The following CROCC variants were observed in gnomAD, a reference collection of about 807,000 sequenced individuals.
CROCC encodes ciliary rootlet coiled-coil, rootletin.
Under a neutral mutation model 245.2 loss-of-function variants are expected in CROCC, and 180 were observed. That is an observed-to-expected ratio of 0.73 (90% CI 0.65 to 0.83). CROCC has a LOEUF of 0.83. CROCC is among the 40% of genes least tolerant of loss of function. The pLI is 0.00. For missense variants in CROCC, 2,688 were observed against 2,779.4 expected (o/e 0.97, Z 0.74); for synonymous variants, 1,205 against 1,241.6 (o/e 0.97, Z 0.62).
Position 16,970,754 on chromosome 1 carries a change from T to G in CROCC, c.5771T>G (p.Ile1924Ser). ...ELELAEAQRQIQQLEAQVVVL... is the reference protein window; with the variant it reads ...ELELAEAQRQSQQLEAQVVVL... ...GAGCTGGCAGAGGCGCAGAGGCAGA[T>G]CCAGCAGCTGGAGGTCTGACCCCAC... Residue 1924 changes from isoleucine to serine, a missense_variant, in exon 35 of 37, where the codon ATC (isoleucine) becomes AGC (serine). Ile to Ser is a moderately radical substitution (Grantham distance 142). Coordinates refer to ENST00000375541, the MANE Select transcript of CROCC (RefSeq NM_014675.5). 1.3e-6 allele frequency: 2 copies of G among 1,591,718 alleles called. No individual in the cohort carries two copies. Among genetic ancestry groups the G allele is most frequent in the Non-Finnish European group, 1.7e-6 (2 of 1,171,250 alleles).
intron 25 of CROCC, among the ~76,000 whole-genome samples, chr1:16,957,393 C>A (rs1212759831): frequency 6.6e-6 from 1 of 152,132 alleles, no homozygotes; most frequent in African/African-American, 2.4e-5. Context: ...GGCGACAAAG[C>A]AAGACCCTGA....
Position 16,948,360 on chromosome 1 carries a change from G to A in CROCC, c.2544G>A (p.Gln848=), listed in dbSNP as rs1346854282. 6.3e-7 allele frequency: 1 copy of A among 1,580,286 alleles called. No homozygotes were observed. Among genetic ancestry groups the A allele is most frequent in the Non-Finnish European group, 8.6e-7 (1 of 1,166,740 alleles). Residue 848 remains glutamine (Q), a synonymous_variant, in exon 18 of 37, where the codon CAG becomes CAA. Coordinates refer to ENST00000375541, the MANE Select transcript of CROCC (RefSeq NM_014675.5). ...CCCGGCAGCTGAGCGGGCGGGAGCAGGAGCTGGAGCAGGCCCGGCGGGAGG... is the reference window on the plus strand; with the variant it reads ...CCCGGCAGCTGAGCGGGCGGGAGCAAGAGCTGGAGCAGGCCCGGCGGGAGG... ...QLSRQLSGRE[Q]ELEQARREAQ... is the part of the protein sequence containing the mutation.
chr1:16,967,248 T>TA (rs1371189772), intron 30 of CROCC, among the ~76,000 whole-genome samples: 1 of 152,096 alleles, frequency 6.6e-6, no homozygotes, highest in Non-Finnish European at 1.5e-5. Flanking sequence ...CTGGGGTTTT[T>TA]ATGTGTGTTT....
At chr1:16,940,198 C>T in intron 13 of CROCC, 105 bp downstream of exon 13, 1 of 1,208,684 alleles carries the variant, frequency 8.3e-7, no homozygotes, top group East Asian at 2.5e-5. Flanking sequence ...ATGGTCGCCA[C>T]TAGCTGCATG....
chr1:16,961,527 C>T (rs752061832), intron 27 of CROCC, among the ~76,000 whole-genome samples: 3 of 151,602 alleles, frequency 2.0e-5, no homozygotes, highest in Admixed American at 6.6e-5. Context: ...CTGTCTCAGC[C>T]TCTCAGGGTT....
At chr1:16,941,733 A>G (rs1429764333) in intron 13 of CROCC, among the ~76,000 whole-genome samples, 4 of 35,026 alleles carry the variant, frequency 1.1e-4, no homozygotes, top group Non-Finnish European at 1.9e-4. Context: ...CTCCGTCTCA[A>G]AAAAAAAAAA....
At chr1:16,924,751 C>G (rs2075494686) in intron 3 of CROCC, among the ~76,000 whole-genome samples, 1 of 152,284 alleles carries the variant, frequency 6.6e-6, no homozygotes, top group South Asian at 2.1e-4. Context: ...GTATTTTGTT[C>G]CCATCTGTCC....
intron 3 of CROCC, among the ~76,000 whole-genome samples, 155 bp downstream of exon 3, chr1:16,924,634 A>C (rs1235774474): frequency 6.6e-6 from 1 of 152,298 alleles, no homozygotes; most frequent in East Asian, 1.9e-4. Flanking sequence ...AGTGGCGTTG[A>C]GCAAATCACT....
chr1:16,936,561 G>T (rs1284299593), intron 8 of CROCC, 76 bp from the exon 9 acceptor site: 1 of 1,404,592 alleles, frequency 7.1e-7, no homozygotes, highest in Non-Finnish European at 9.6e-7. Flanking sequence ...GAGCCACCAC[G>T]CCCTGCCCAA....
intron 19 of CROCC, among the ~76,000 whole-genome samples, chr1:16,950,718 T>A (rs1372816017): frequency 6.6e-6 from 1 of 152,246 alleles, no homozygotes; most frequent in East Asian, 1.9e-4. Context: ...AGTCATTTTA[T>A]GCCTTTAATG....
chr1:16,967,067 A>AG (rs2076430274), intron 30 of CROCC, among the ~76,000 whole-genome samples: 1 of 151,460 alleles, frequency 6.6e-6, no homozygotes, highest in African/African-American at 2.4e-5. Flanking sequence ...AAGAAAAAAA[A>AG]AAGAAGAAGA....
intron 3 of CROCC, among the ~76,000 whole-genome samples, chr1:16,925,716 G>A (rs1384776975): frequency 6.6e-6 from 1 of 152,280 alleles, no homozygotes; most frequent in Non-Finnish European, 1.5e-5. Context: ...GTATGACTGT[G>A]GGGTGTGCCC....
chr1:16,924,490 C>A lies in CROCC; in HGVS notation c.351+11C>A. ...GCGGTCAGCGAGAGGGTGGGTGCCG[C>A]CCAGGTGGTGGACTAGGCCAGGGTT... On this transcript the variant is annotated intron_variant, in intron 3 of 36. Coordinates refer to ENST00000375541, the MANE Select transcript of CROCC (RefSeq NM_014675.5). 6.2e-7 allele frequency: 1 copy of A among 1,609,176 alleles called. No individual in the cohort carries two copies. The highest frequency in any genetic ancestry group is 1.1e-5 in the South Asian group (1 of 90,778).
chr1:16,939,043 A>T lies in CROCC; in HGVS notation c.1509A>T (p.Arg503=). Residue 503 remains arginine (R), a synonymous_variant, in exon 12 of 37, where the codon CGA becomes CGT. Coordinates refer to ENST00000375541, the MANE Select transcript of CROCC (RefSeq NM_014675.5). ...PSPPRRSSPG[R]GRSPRRGPSP... ...CACCGCGGCGCTCCTCGCCCGGCCG[A>T]GGCCGTTCACCCCGCCGAGGCCCCT... 1.3e-6 allele frequency: 2 copies of T among 1,592,726 alleles called. No homozygotes were observed. The highest frequency in any genetic ancestry group is 1.7e-6 in the Non-Finnish European group (2 of 1,173,058).
intron 1 of CROCC, among the ~76,000 whole-genome samples, chr1:16,915,195 T>C (rs1176006878): frequency 3.3e-5 from 5 of 152,280 alleles, no homozygotes; most frequent in African/African-American, 1.2e-4. Flanking sequence ...TTCGCTGGTG[T>C]CCTTCCGTGA....
intron 8 of CROCC, among the ~76,000 whole-genome samples, chr1:16,934,612 A>G (rs2075748207): frequency 6.6e-6 from 1 of 152,272 alleles, no homozygotes; most frequent in African/African-American, 2.4e-5. Context: ...CTTAAAATAC[A>G]AAACAAAACC....
chr1:16,931,916 C>A (rs1183056086), intron 8 of CROCC, among the ~76,000 whole-genome samples: 1 of 151,350 alleles, frequency 6.6e-6, no homozygotes, highest in Non-Finnish European at 1.5e-5. Flanking sequence ...GCCGCCACAC[C>A]CAGCTAATTT....
At chr1:16,955,852 G>A in intron 24 of CROCC, 145 bp from the exon 25 acceptor site, 1 of 1,049,662 alleles carries the variant, frequency 9.5e-7, no homozygotes, top group South Asian at 1.6e-5. Context: ...CCCCAGCCCT[G>A]CAGGGCTCAG....
chr1:16,955,818 A>G lies in CROCC; in HGVS notation c.3705-179A>G, dbSNP rs143167666. 1.5e-4 allele frequency among the ~76,000 whole-genome samples: 23 copies of G among 151,570 alleles called. No homozygotes were observed. The East Asian group carries it at 1.6e-3, about 10-fold the overall frequency. ...GGTCCCCTCCTGGAGTCACTGGTCT[A>G]CCCCTCCCAGCCGAGGGCCTGGGCC... On this transcript the variant is annotated intron_variant, in intron 24 of 36. Transcript: ENST00000375541.
Sources: gnomAD v4.1 joint callset for allele counts (sites outside exome capture counted in the v4.1 genomes callset) on GRCh38, gnomAD v4.1.1 for gene constraint, MANE v1.5 for transcripts, NCBI Gene and HGNC (gene_info 2026-07-23, HGNC 2026-07-21) for gene names.